The following WDFY4 variants were observed in gnomAD, a reference collection of about 807,000 sequenced individuals.
WDFY4 encodes the protein WDFY family member 4.
WDFY4 carries 169 observed loss-of-function variants against 351.9 expected under a neutral mutation model. The ratio of observed to expected loss-of-function variants is 0.48; its 90% CI spans 0.42 to 0.55. The LOEUF is 0.55. Among genes scored for constraint, WDFY4 ranks in the 20% least tolerant of loss-of-function variants. The probability of loss-of-function intolerance (pLI) is 0.00; values close to 1 mark genes in which losing one functional copy is unlikely to be tolerated. For synonymous variants in WDFY4, 1,622 were observed against 1,574.6 expected (o/e 1.03, Z -0.71); for missense variants, 3,803 against 3,935.6 (o/e 0.97, Z 0.90).
chr10:48,913,591 T>C, intron 47 of WDFY4: 1 of 1,614,178 alleles, frequency 6.2e-7, no homozygotes, highest in African/African-American at 1.3e-5. Context: ...ATGGAGTCTA[T>C]GAATATTTCC....
intron 48 of WDFY4, among the ~76,000 whole-genome samples, 180 bp from the exon 49 acceptor site, chr10:48,943,150 C>T (rs551397667): frequency 2.0e-5 from 3 of 152,192 alleles, no homozygotes; most frequent in East Asian, 3.9e-4. Context: ...TACTTGCCTC[C>T]GTTCATACTG....
In WDFY4 at chr10:48,981,458, G is replaced by T; in HGVS notation, c.9468G>T (p.Val3156=). The T allele has an allele frequency of 6.4e-7, 1 of 1,551,670 alleles. No homozygotes were observed. Among genetic ancestry groups the T allele is most frequent in the Non-Finnish European group, 8.7e-7 (1 of 1,146,980 alleles). Residue 3156 remains valine (V), a synonymous_variant, in exon 61 of 62, where the codon GTG becomes GTT. Transcript: ENST00000325239. ...TGKPSKTSPA[V]TALAVSRNHT... ...AGCCCAGCAAAACCAGCCCCGCAGTGACTGCTCTGGCCGTGTCCAGGTAAG... is the reference window on the plus strand; with the variant it reads ...AGCCCAGCAAAACCAGCCCCGCAGTTACTGCTCTGGCCGTGTCCAGGTAAG...
intron 53 of WDFY4, among the ~76,000 whole-genome samples, chr10:48,962,477 A>T (rs1841903452): frequency 6.6e-6 from 1 of 152,170 alleles, no homozygotes; most frequent in South Asian, 2.1e-4. Flanking sequence ...TTCAGTAGAA[A>T]CAGGTGCCAC....
intron 55 of WDFY4, 67 bp from the exon 56 acceptor site, chr10:48,968,997 C>T (rs1842214517): frequency 1.3e-6 from 2 of 1,499,912 alleles, no homozygotes; most frequent in East Asian, 2.5e-5. Flanking sequence ...TGACTCCTGC[C>T]TGGGGGCCCA....
Position 48,774,602 on chromosome 10 carries a change from C to A in WDFY4, c.2698C>A (p.Pro900Thr), listed in dbSNP as rs1283768409. Residue 900 changes from proline (P) to threonine (T), a missense_variant, in exon 14 of 62, where the codon CCC becomes ACC. By Grantham distance (38) the Pro-to-Thr change is conservative. Transcript: ENST00000325239. ...CAGGGCCCTGGTCACCAGTGGCAGC[C>A]CCCTCCACTCACGCCTCATCAGGAT... is the stretch of plus-strand genomic sequence containing the variant. ...CHRALVTSGS[P>T]LHSRLIRIFE... 3 of 1,551,600 alleles carry A rather than the reference C, an allele frequency of 1.9e-6. No individual in the cohort carries two copies. Among genetic ancestry groups the A allele is most frequent in the African/African-American group, 2.7e-5 (2 of 73,068 alleles).
intron 32 of WDFY4, among the ~76,000 whole-genome samples, chr10:48,818,157 G>A (rs992837265): frequency 6.6e-6 from 1 of 152,196 alleles, no homozygotes; most frequent in African/African-American, 2.4e-5. Flanking sequence ...CCCCCACTCT[G>A]GTGGATTAGG....
rs12242178 is a variant in WDFY4 at position 48,914,444 on chromosome 10, T to C, written c.7586+12581T>C. Among the ~76,000 whole-genome samples, 588 of 152,238 alleles carry C rather than the reference T, an allele frequency of 3.9e-3. 2 individuals are homozygous for C. Among genetic ancestry groups the C allele is most frequent in the African/African-American group, 0.014 (561 of 41,540 alleles). ...TTTTCTTGGATGTTAAAATAGGAGG[T>C]GCAGGGTCAGCCTGAAGGACACTAA... On this transcript the variant is annotated intron_variant, in intron 47 of 61. Transcript: ENST00000325239.
chr10:48,838,188 C>A (rs1388858180), intron 39 of WDFY4, among the ~76,000 whole-genome samples: 2 of 152,172 alleles, frequency 1.3e-5, no homozygotes, highest in Non-Finnish European at 2.9e-5. Context: ...TGTAGGAATT[C>A]TACATCTGCC....
At chr10:48,978,615 TA>T in intron 60 of WDFY4, 1 of 501,830 alleles carries the variant, frequency 2.0e-6, no homozygotes. Flanking sequence ...CAGAATAACC[TA>T]ACCATAGACA....
chr10:48,793,982 T>C (rs367731347), intron 23 of WDFY4, among the ~76,000 whole-genome samples: 43 of 152,276 alleles, frequency 2.8e-4, no homozygotes, highest in African/African-American at 8.7e-4. Flanking sequence ...AAGAGGAGGA[T>C]ACTGTTCCAG....
At chr10:48,811,194 C>T (rs2067432644) in intron 29 of WDFY4, among the ~76,000 whole-genome samples, 1 of 152,164 alleles carries the variant, frequency 6.6e-6, no homozygotes, top group Non-Finnish European at 1.5e-5. Flanking sequence ...TATTTAATTG[C>T]TTAATGTCTG....
intron 39 of WDFY4, among the ~76,000 whole-genome samples, chr10:48,863,306 A>T (rs1404268499): frequency 6.6e-6 from 1 of 152,194 alleles, no homozygotes; most frequent in Non-Finnish European, 1.5e-5. Context: ...TTACATTCCC[A>T]CCAACAGTGT....
At chr10:48,926,081 T>C (rs897484386) in intron 47 of WDFY4, among the ~76,000 whole-genome samples, 1 of 152,146 alleles carries the variant, frequency 6.6e-6, no homozygotes, top group African/African-American at 2.4e-5. Flanking sequence ...CCTCTCTCTC[T>C]CCTCCCTCTG....
At chr10:48,722,464 A>C (rs10508904) in intron 4 of WDFY4, among the ~76,000 whole-genome samples, 50,313 of 152,020 alleles carry the variant, frequency 0.33, 9,216 homozygotes, top group African/African-American at 0.49. Flanking sequence ...AAGACAGTAC[A>C]TTGCACTGTA....
intron 39 of WDFY4, among the ~76,000 whole-genome samples, chr10:48,852,625 A>G (rs1266365751): frequency 6.6e-6 from 1 of 151,706 alleles, no homozygotes; most frequent in Admixed American, 6.6e-5. Context: ...CTCCTACTCC[A>G]CTCTAGAAAC....
intron 39 of WDFY4, among the ~76,000 whole-genome samples, chr10:48,841,086 CA>C (rs2068587824): frequency 6.6e-6 from 1 of 152,176 alleles, no homozygotes; most frequent in South Asian, 2.1e-4. Flanking sequence ...ATTATATGCA[CA>C]GGGGAAGTTT....
chr10:48,727,897 T>C (rs2064323461), intron 7 of WDFY4, among the ~76,000 whole-genome samples: 1 of 152,190 alleles, frequency 6.6e-6, no homozygotes, highest in African/African-American at 2.4e-5. Context: ...GCTGGCCTGA[T>C]TTTCCCCGGT....
At chr10:48,931,445 C>T (rs1839998966) in intron 47 of WDFY4, among the ~76,000 whole-genome samples, 1 of 152,220 alleles carries the variant, frequency 6.6e-6, no homozygotes, top group South Asian at 2.1e-4. Flanking sequence ...AGCCCACCCT[C>T]AGCCAGCCAC....
At chr10:48,951,514 G>T (rs556402009) in intron 51 of WDFY4, among the ~76,000 whole-genome samples, 2 of 152,150 alleles carry the variant, frequency 1.3e-5, no homozygotes, top group Admixed American at 6.5e-5. Flanking sequence ...TCCAGGGCTC[G>T]AGCAATTTTC....
Sources: allele counts gnomAD v4.1 joint callset (sites outside exome capture counted in the v4.1 genomes callset), GRCh38; gene constraint gnomAD v4.1.1; transcripts MANE v1.5; gene names NCBI Gene and HGNC (gene_info 2026-07-23, HGNC 2026-07-21).